KCNN3: variants seen among roughly 807,000 people sequenced by gnomAD.
The protein encoded by KCNN3 is small conductance calcium-activated potassium channel protein 3.
KCNN3 carries 16 observed loss-of-function variants against 62.9 expected under a neutral mutation model. The observed-to-expected ratio is 0.25, with a 90% CI of 0.17 to 0.39. KCNN3 has a LOEUF of 0.39. Among genes scored for constraint, KCNN3 ranks in the 10% least tolerant of loss-of-function variants. KCNN3 has a pLI of 1.00. For synonymous variants in KCNN3, 370 were observed against 389.2 expected (o/e 0.95, Z 0.58); for missense variants, 599 against 949.4 (o/e 0.63, Z 4.85).
chr1:154,755,537 G>GAAAGAAAGAAAGTAGAA, intron 3 of KCNN3, among the ~76,000 whole-genome samples: 1 of 107,132 alleles, frequency 9.3e-6, no homozygotes, highest in Non-Finnish European at 1.9e-5. Context: ...GAAGAAGAAA[G>GAAAGAAAGAAAGTAGAA]GAAAGGAAGG....
At position 154,701,762 on chromosome 1, in the gene KCNN3, A is replaced by C. The variant is rs1383084272; in HGVS notation, c.*6214T>G. Reference sequence around the variant, plus strand: ...AAGGGTATTGCCAATTTAGAAAAGCACATCTGCACACTGGACTCTTGTTGG... The same window carrying C: ...AAGGGTATTGCCAATTTAGAAAAGCCCATCTGCACACTGGACTCTTGTTGG... On this transcript the variant is annotated 3_prime_UTR_variant, in exon 8 of 8. Transcript: ENST00000271915. 6.6e-6 allele frequency: 1 copy of C among 152,198 alleles called. No homozygotes were observed. Among genetic ancestry groups the C allele is most frequent in the Non-Finnish European group, 1.5e-5 (1 of 68,036 alleles). 9.4% of individuals were successfully genotyped at this position (152,198 alleles called of 1,614,324 possible).
intron 2 of KCNN3, among the ~76,000 whole-genome samples, chr1:154,812,556 G>T (rs1650457856): frequency 6.6e-6 from 1 of 152,170 alleles, no homozygotes; most frequent in Admixed American, 6.5e-5. Context: ...TGGAGAAACA[G>T]AATATTCTAT....
chr1:154,739,619 C>T (rs1423105340), intron 3 of KCNN3, among the ~76,000 whole-genome samples: 2 of 152,040 alleles, frequency 1.3e-5, no homozygotes, highest in African/African-American at 4.8e-5. Flanking sequence ...CAATCCTTTC[C>T]TTTTGAGTGT....
At chr1:154,717,163 T>C (rs1439742503) in intron 5 of KCNN3, among the ~76,000 whole-genome samples, 1 of 152,196 alleles carries the variant, frequency 6.6e-6, no homozygotes, top group Non-Finnish European at 1.5e-5. Context: ...GAGTACTTCA[T>C]ATGTCTAAGC....
At chr1:154,837,802 C>A (rs1387664519) in intron 1 of KCNN3, among the ~76,000 whole-genome samples, 1 of 152,200 alleles carries the variant, frequency 6.6e-6, no homozygotes, top group Non-Finnish European at 1.5e-5. Context: ...AGGTGGCAAC[C>A]CCGAAGCAGC....
At chr1:154,764,943 TGTTGCCCTTTG>T (rs1430176108) in intron 3 of KCNN3, among the ~76,000 whole-genome samples, 1 of 152,222 alleles carries the variant, frequency 6.6e-6, no homozygotes, top group Non-Finnish European at 1.5e-5. Flanking sequence ...GAATGACTTT[TGTTGCCCTTTG>T]GTTGCCTCAT....
At chr1:154,771,086 A>G (rs1648538260) in intron 3 of KCNN3, among the ~76,000 whole-genome samples, 1 of 150,272 alleles carries the variant, frequency 6.7e-6, no homozygotes, top group African/African-American at 2.4e-5. Context: ...TAAATAAATA[A>G]ATAAATAAAT....
chr1:154,830,869 A>G (rs1371074036), intron 1 of KCNN3, among the ~76,000 whole-genome samples: 1 of 152,210 alleles, frequency 6.6e-6, no homozygotes, highest in African/African-American at 2.4e-5. Flanking sequence ...GTCATTTAGG[A>G]GACCACGCTC....
In KCNN3 at chr1:154,831,977, A is replaced by G. The variant is rs1651394580; in HGVS notation, c.934-9793T>C. 2.0e-5 allele frequency among the ~76,000 whole-genome samples: 3 copies of G among 152,066 alleles called. No homozygotes were observed. In the South Asian group the frequency reaches 6.2e-4, roughly 31 times the overall value. Reference sequence around the variant, plus strand: ...TGAGGCTGCCTTGCCCCCATCATACAGCATCCTGGCTTGGAGAAAACTTTA... The same window carrying G: ...TGAGGCTGCCTTGCCCCCATCATACGGCATCCTGGCTTGGAGAAAACTTTA... On this transcript the variant is annotated intron_variant, in intron 1 of 7. Transcript: ENST00000271915.
At chr1:154,801,517 C>A (rs1418038183) in intron 2 of KCNN3, among the ~76,000 whole-genome samples, 1 of 152,194 alleles carries the variant, frequency 6.6e-6, no homozygotes, top group Non-Finnish European at 1.5e-5. Flanking sequence ...TCGCTCCCAC[C>A]CCCTGAAAGA....
At chr1:154,776,410 G>A (rs1648792786) in intron 2 of KCNN3, among the ~76,000 whole-genome samples, 1 of 152,170 alleles carries the variant, frequency 6.6e-6, no homozygotes, top group South Asian at 2.1e-4. Flanking sequence ...CGTAAACAGT[G>A]TGTGTAAAGA....
Position 154,708,265 on chromosome 1 carries a change from T to C in KCNN3, c.1907A>G (p.Asn636Ser). The C allele has an allele frequency of 6.2e-7, 1 of 1,613,498 alleles. No individual in the cohort carries two copies. The highest frequency in any genetic ancestry group is 2.2e-5 in the East Asian group (1 of 44,874). ...NTLVDLSKMQNVMYDLITELN... is the reference protein window; with the variant it reads ...NTLVDLSKMQSVMYDLITELN... ...TTCTGTGATTAAGTCATACATGACA[T>C]TCTGCATCTGTGTGGAGAGAGAGAG... Residue 636 changes from asparagine to serine, a missense_variant, in exon 8 of 8, where the codon AAT becomes AGT. Asn to Ser is a conservative substitution (Grantham distance 46, BLOSUM62 1). Transcript: ENST00000271915.
At chr1:154,822,705 G>A (rs113558990) in intron 1 of KCNN3, among the ~76,000 whole-genome samples, 3 of 152,356 alleles carry the variant, frequency 2.0e-5, no homozygotes, top group Admixed American at 6.5e-5. Flanking sequence ...TCCTGGCTTA[G>A]GCCAAGGGCA....
intron 1 of KCNN3, among the ~76,000 whole-genome samples, chr1:154,853,874 G>A (rs1237599364): frequency 1.3e-5 from 2 of 152,090 alleles, no homozygotes; most frequent in Non-Finnish European, 2.9e-5. Flanking sequence ...AATCTGGGAG[G>A]CGGAAGTTGC....
At chr1:154,841,781 G>T (rs1021255392) in intron 1 of KCNN3, among the ~76,000 whole-genome samples, 4 of 152,214 alleles carry the variant, frequency 2.6e-5, no homozygotes, top group African/African-American at 7.2e-5. Context: ...TGAGATGTGC[G>T]AGCCGAAGGG....
chr1:154,760,850 G>A (rs1647973769), intron 3 of KCNN3, among the ~76,000 whole-genome samples: 1 of 152,242 alleles, frequency 6.6e-6, no homozygotes, highest in Non-Finnish European at 1.5e-5. Context: ...AGGGAGGCGC[G>A]CGCCCGCGAA....
chr1:154,758,295 T>C (rs1571245848), intron 3 of KCNN3, among the ~76,000 whole-genome samples: 1 of 152,180 alleles, frequency 6.6e-6, no homozygotes, highest in East Asian at 1.9e-4. Context: ...CCACCCTGAG[T>C]TCAGGCAGTC....
intron 1 of KCNN3, among the ~76,000 whole-genome samples, chr1:154,841,232 G>A (rs1447333937): frequency 1.3e-5 from 2 of 152,228 alleles, no homozygotes; most frequent in African/African-American, 4.8e-5. Flanking sequence ...ATTAAATGGA[G>A]TGAGAGGCAG....
intron 5 of KCNN3, among the ~76,000 whole-genome samples, chr1:154,722,773 C>T (rs1291353881): frequency 1.3e-5 from 2 of 150,966 alleles, no homozygotes; most frequent in Non-Finnish European, 2.9e-5. Flanking sequence ...GCTCTGTTGC[C>T]CAGGCTGGAG....
Sources: allele counts gnomAD v4.1 joint callset (sites outside exome capture counted in the v4.1 genomes callset), GRCh38; gene constraint gnomAD v4.1.1; transcripts MANE v1.5; gene names NCBI Gene and HGNC (gene_info 2026-07-23, HGNC 2026-07-21).